The following ZNF652 variants were observed in gnomAD, a reference collection of about 807,000 sequenced individuals.
The protein encoded by ZNF652 is zinc finger protein 652.
In ZNF652, 16 loss-of-function variants were observed where a neutral mutation model predicts 45.2. That is an observed-to-expected ratio of 0.35 (90% CI 0.24 to 0.54). ZNF652 has a LOEUF of 0.54. ZNF652 is among the 20% of genes least tolerant of loss of function. ZNF652 has a pLI of 0.91. For missense variants in ZNF652, 614 were observed against 765.6 expected (o/e 0.80, Z 2.34); for synonymous variants, 250 against 260.6 (o/e 0.96, Z 0.39).
At chr17:49,315,128 G>A (rs573326663) in intron 2 of ZNF652, among the ~76,000 whole-genome samples, 16 of 148,028 alleles carry the variant, frequency 1.1e-4, no homozygotes, top group Admixed American at 2.1e-4. Context: ...TGCAACCTCC[G>A]CCTCCCAGGT....
chr17:49,342,109 C>G (rs1414325488), intron 1 of ZNF652, among the ~76,000 whole-genome samples: 1 of 151,924 alleles, frequency 6.6e-6, no homozygotes, highest in East Asian at 1.9e-4. Flanking sequence ...TCGCTTTAAC[C>G]CGGGAGGCAG....
In ZNF652 at chr17:49,317,416, C is replaced by G; in HGVS notation, c.310G>C (p.Glu104Gln). The G allele has an allele frequency of 6.2e-7, 1 of 1,614,176 alleles. No homozygotes were observed. The highest frequency in any genetic ancestry group is 8.5e-7 in the Non-Finnish European group (1 of 1,180,046). Residue 104 changes from glutamate to glutamine, a missense_variant, in exon 2 of 6, where the codon GAG becomes CAG. This residue lies in a region of ZNF652 where 133 missense variants were observed against 132.2 expected (regional missense o/e 1.01). Transcript: ENST00000430262. ...TAAGAGACTTCTTCCTCTTCCTCCT[C>G]TGTGTCATCAGAATTCTCCCGGTCT... ...KEDRENSDDT[E>Q]EEEEEVSYKR... is the part of the protein sequence containing the mutation.
intron 5 of ZNF652, among the ~76,000 whole-genome samples, chr17:49,308,397 G>C (rs1017607033): frequency 2.6e-5 from 4 of 152,114 alleles, no homozygotes; most frequent in Non-Finnish European, 5.9e-5. Context: ...GGCTGGTCTC[G>C]AACCTCTGGG....
At chr17:49,321,186 T>G (rs1489596394) in intron 1 of ZNF652, among the ~76,000 whole-genome samples, 1 of 152,130 alleles carries the variant, frequency 6.6e-6, no homozygotes, top group Non-Finnish European at 1.5e-5. Flanking sequence ...TGGCTAGCAA[T>G]CTTCCAGGTG....
At chr17:49,350,970 CATATATATATATATATATAT>C (rs372720324) in intron 1 of ZNF652, among the ~76,000 whole-genome samples, 5 of 42,304 alleles carry the variant, frequency 1.2e-4, no homozygotes, top group Non-Finnish European at 2.4e-4. Flanking sequence ...ACTCTGTCTA[CATATATATATATATATATAT>C]ATATATATAT....
At chr17:49,355,708 G>C (rs1388700081) in intron 1 of ZNF652, among the ~76,000 whole-genome samples, 1 of 151,922 alleles carries the variant, frequency 6.6e-6, no homozygotes, top group African/African-American at 2.4e-5. Context: ...GACCAGCCTG[G>C]CCAATATGGT....
chr17:49,310,580 G>A (rs1330239711), intron 5 of ZNF652, among the ~76,000 whole-genome samples: 1 of 152,092 alleles, frequency 6.6e-6, no homozygotes, highest in Non-Finnish European at 1.5e-5. Flanking sequence ...AGTGAATCTT[G>A]GTAAATCATA....
In ZNF652 at chr17:49,298,325, G is replaced by A; in HGVS notation, c.*88C>T. 2 of 1,530,964 alleles carry A rather than the reference G, an allele frequency of 1.3e-6. No individual in the cohort carries two copies. Among genetic ancestry groups the A allele is most frequent in the South Asian group, 1.2e-5 (1 of 80,524 alleles). 94.8% of individuals were successfully genotyped at this position (1,530,964 alleles called of 1,614,324 possible). The stretch of plus-strand genomic sequence containing the variant: ...TCTTGGTAGAGGCGGAGGAGAGTCT[G>A]AGAACTAAGGAAATGCTCACCGACT... On this transcript the variant is annotated 3_prime_UTR_variant, in exon 6 of 6. Transcript: ENST00000430262.
At chr17:49,351,137 T>C (rs1462016679) in intron 1 of ZNF652, among the ~76,000 whole-genome samples, 1 of 151,374 alleles carries the variant, frequency 6.6e-6, no homozygotes, top group Non-Finnish European at 1.5e-5. Flanking sequence ...GACTACCAAT[T>C]AGCAAGTTGA....
chr17:49,355,867 G>C (rs1157078973), intron 1 of ZNF652, among the ~76,000 whole-genome samples: 2 of 151,650 alleles, frequency 1.3e-5, no homozygotes, highest in Non-Finnish European at 2.9e-5. Context: ...CATTTGTACT[G>C]AAGCCTGGGC....
At chr17:49,339,418 A>G (rs2070120430) in intron 1 of ZNF652, among the ~76,000 whole-genome samples, 1 of 150,574 alleles carries the variant, frequency 6.6e-6, no homozygotes. Context: ...CCAAAATTAC[A>G]TGTTTTATTT....
downstream of ZNF652, among the ~76,000 whole-genome samples, chr17:49,288,780 G>A (rs2143647071): frequency 6.6e-6 from 1 of 152,166 alleles, no homozygotes; most frequent in South Asian, 2.1e-4. Context: ...CTCATCCCAA[G>A]TACCATATTT....
At position 49,317,584 on chromosome 17, in the gene ZNF652, T is replaced by C. The variant is rs1380678310; in HGVS notation, c.142A>G (p.Thr48Ala). The change falls in exon 2 of 6, where the codon ACC (threonine) becomes GCC (alanine). Residue 48 changes from threonine (T) to alanine (A), a missense_variant. Physicochemically the swap from Thr to Ala is moderately conservative, Grantham distance 58. This residue lies in a region of ZNF652 where 133 missense variants were observed against 132.2 expected (regional missense o/e 1.01). Transcript: ENST00000430262. Reference sequence around the variant, plus strand: ...CCTGATTCCCTTTTGTACACTTTGGTGGACAGGTCAAGTTCTTGGTTGGCA... The same window carrying C: ...CCTGATTCCCTTTTGTACACTTTGGCGGACAGGTCAAGTTCTTGGTTGGCA... ...HGANQELDLSTKVYKRESGSP... is the reference protein window; with the variant it reads ...HGANQELDLSAKVYKRESGSP... The C allele has an allele frequency of 6.2e-7, 1 of 1,614,126 alleles. No individual in the cohort carries two copies.
intron 1 of ZNF652, among the ~76,000 whole-genome samples, chr17:49,333,158 C>A (rs1447996970): frequency 6.6e-6 from 1 of 151,374 alleles, no homozygotes; most frequent in African/African-American, 2.4e-5. Flanking sequence ...CCTGGGTTCA[C>A]GCCATTCTCC....
chr17:49,347,619 T>C (rs2070218108), intron 1 of ZNF652, among the ~76,000 whole-genome samples: 1 of 151,774 alleles, frequency 6.6e-6, no homozygotes, highest in Non-Finnish European at 1.5e-5. Flanking sequence ...AAAAAGATCA[T>C]CAATGACTCA....
At chr17:49,339,317 T>C (rs912117866) in intron 1 of ZNF652, among the ~76,000 whole-genome samples, 2 of 149,786 alleles carry the variant, frequency 1.3e-5, no homozygotes, top group African/African-American at 2.5e-5. Flanking sequence ...ATTCTTTTTT[T>C]TTTTTTTTTT....
At chr17:49,347,740 G>GTTTTTTTT (rs1181401090) in intron 1 of ZNF652, among the ~76,000 whole-genome samples, 2 of 81,212 alleles carry the variant, frequency 2.5e-5, no homozygotes, top group Non-Finnish European at 5.1e-5. Flanking sequence ...CCTTGGTTTT[G>GTTTTTTTT]TTTTTTTTTT....
intron 1 of ZNF652, among the ~76,000 whole-genome samples, chr17:49,351,008 T>C (rs1436295779): frequency 7.0e-4 from 13 of 18,450 alleles, no homozygotes; most frequent in African/African-American, 2.6e-3. Context: ...TATATATATA[T>C]ATATATACAC....
chr17:49,344,213 T>A (rs1011541575), intron 1 of ZNF652, among the ~76,000 whole-genome samples: 9 of 145,644 alleles, frequency 6.2e-5, no homozygotes, highest in African/African-American at 1.8e-4. Context: ...AAAAAAAAAA[T>A]AATTAGCTAG....
Sources: gnomAD v4.1 joint callset for allele counts (sites outside exome capture counted in the v4.1 genomes callset) on GRCh38, gnomAD v4.1.1 for gene constraint, gnomAD v4.1.1 regional missense constraint, MANE v1.5 for transcripts, NCBI Gene and HGNC (gene_info 2026-07-23, HGNC 2026-07-21) for gene names.